ASB13: variants seen among roughly 807,000 people sequenced by gnomAD.
The protein encoded by ASB13 is ankyrin repeat and SOCS box protein 13.
In ASB13, 33 loss-of-function variants were observed where a neutral mutation model predicts 28.8. That is an observed-to-expected ratio of 1.15 (90% CI 0.87 to 1.53). ASB13 has a LOEUF of 1.53. Among genes scored for constraint, ASB13 ranks in the 40% most tolerant of loss-of-function variants. The probability of loss-of-function intolerance (pLI) is 0.00; values close to 1 mark genes in which losing one functional copy is unlikely to be tolerated. For missense variants in ASB13, 414 were observed against 390.1 expected (o/e 1.06, Z -0.52); for synonymous variants, 182 against 172.9 (o/e 1.05, Z -0.41).
chr10:5,640,940 AC>A, intron 5 of ASB13, 110 bp from the exon 6 acceptor site: 1 of 1,413,846 alleles, frequency 7.1e-7, no homozygotes, highest in African/African-American at 1.4e-5. Context: ...TTCCCCTGGA[AC>A]CGGGATGTGT....
In ASB13 at chr10:5,642,774, G is replaced by A. The variant is rs1001873667; in HGVS notation, c.518-813C>T. On this transcript the variant is annotated intron_variant, in intron 4 of 5. Transcript: ENST00000357700. The surrounding 1 kb of genome is among the most constrained non-coding windows in gnomAD (Gnocchi z 4.1). ...CGATTCTCCTGCCTCAGCCTCCCGA[G>A]TTGCTGGGATGACAGGTGTGCCACC... 2.0e-5 allele frequency among the ~76,000 whole-genome samples: 3 copies of A among 152,026 alleles called. No individual in the cohort carries two copies. The highest frequency in any genetic ancestry group is 4.4e-5 in the Non-Finnish European group (3 of 67,976).
rs1209011126 is a variant in ASB13, at chr10:5,659,723, G to C, written c.44-6673C>G. On this transcript the variant is annotated intron_variant, in intron 1 of 5. Coordinates refer to ENST00000357700, the MANE Select transcript of ASB13 (RefSeq NM_024701.4). This position sits in a 1 kb window ranked among gnomAD's most constrained non-coding sequence, Gnocchi z 5.8. ...GCTGATCAGCATTCTCCCTTCCCTGGGCCTTCCCTAAGGCCATCCCCTGTC... is the reference window on the plus strand; with the variant it reads ...GCTGATCAGCATTCTCCCTTCCCTGCGCCTTCCCTAAGGCCATCCCCTGTC... Among the ~76,000 whole-genome samples, 5 of 151,546 alleles carry C rather than the reference G, an allele frequency of 3.3e-5. No homozygotes were observed. The highest frequency in any genetic ancestry group is 3.3e-4 in the Admixed American group (5 of 15,218).
rs1442891593 is a variant in ASB13, at chr10:5,659,590, G to T, written c.44-6540C>A. Among the ~76,000 whole-genome samples the T allele has an allele frequency of 6.6e-6, 1 of 152,066 alleles. No homozygotes were observed. Among genetic ancestry groups the T allele is most frequent in the Non-Finnish European group, 1.5e-5 (1 of 68,012 alleles). The stretch of plus-strand genomic sequence containing the variant: ...TCTTCTCAGCCCCATTCCCCACCTT[G>T]CTTCCGGCTGAAATTCCTCGACTGA... On this transcript the variant is annotated intron_variant, in intron 1 of 5. Coordinates refer to ENST00000357700, the MANE Select transcript of ASB13 (RefSeq NM_024701.4). This position sits in a 1 kb window ranked among gnomAD's most constrained non-coding sequence, Gnocchi z 5.8.
In ASB13 at chr10:5,661,329, G is replaced by A. The variant is rs947819020; in HGVS notation, c.43+5180C>T. 2.0e-5 allele frequency among the ~76,000 whole-genome samples: 3 copies of A among 152,262 alleles called. No homozygotes were observed. The highest frequency in any genetic ancestry group is 1.9e-4 in the East Asian group (1 of 5,174). On this transcript the variant is annotated intron_variant, in intron 1 of 5. Coordinates refer to ENST00000357700, the MANE Select transcript of ASB13 (RefSeq NM_024701.4). The surrounding 1 kb of genome is among the most constrained non-coding windows in gnomAD (Gnocchi z 4.9). ...AGCAGAGCCACTTGCCCCCAACCCC[G>A]CCCCGCCGAGCCTGGGGCCTCTCCA...
rs570881690 is a variant in ASB13, at chr10:5,657,369, C to T, written c.44-4319G>A. ...ATAACCAGGTTTAAAAATGGGCAAA[C>T]GAGTTGAACAGACATTTCTCTAAAC... On this transcript the variant is annotated intron_variant, in intron 1 of 5. Coordinates refer to ENST00000357700, the MANE Select transcript of ASB13 (RefSeq NM_024701.4). 1.3e-4 allele frequency among the ~76,000 whole-genome samples: 19 copies of T among 151,466 alleles called. No individual in the cohort carries two copies. The South Asian group carries it at 1.9e-3, about 15-fold the overall frequency.
chr10:5,640,559 G>T lies in ASB13; in HGVS notation c.*144C>A. 1 of 1,059,820 alleles carries T rather than the reference G, an allele frequency of 9.4e-7. No individual in the cohort carries two copies. The allele number at this position is 1,059,820 out of a possible 1,614,324, so 65.7% of individuals were successfully genotyped here. On this transcript the variant is annotated 3_prime_UTR_variant, in exon 6 of 6. Transcript: ENST00000357700. The stretch of plus-strand genomic sequence containing the variant: ...ACATTATCCAGGATCCAGGAGAGAA[G>T]CCTAAACAGGATCGCAGGAAGGGAC...
At position 5,649,349 on chromosome 10, in the gene ASB13, CTTGCTGTGAGAACA is replaced by C. The variant is rs1834948792; in HGVS notation, c.383-259_383-246del. ...TGGGAGAAACGGGCCTGGCCGGCTT[CTTGCTGTGAGAACA>C]GAAGACATGGGGCACCACCTAGAAT... On this transcript the variant is annotated intron_variant, in intron 3 of 5. Transcript: ENST00000357700. This position sits in a 1 kb window ranked among gnomAD's most constrained non-coding sequence, Gnocchi z 6.4. Among the ~76,000 whole-genome samples, 1 of 152,154 alleles carries C rather than the reference CTTGCTGTGAGAACA, an allele frequency of 6.6e-6. No individual in the cohort carries two copies. The highest frequency in any genetic ancestry group is 1.5e-5 in the Non-Finnish European group (1 of 68,030).
In ASB13 at chr10:5,666,588, C is replaced by G; in HGVS notation, c.-37G>C. 1.8e-6 allele frequency: 2 copies of G among 1,112,558 alleles called. No homozygotes were observed. Among genetic ancestry groups the G allele is most frequent in the Non-Finnish European group, 2.2e-6 (2 of 912,154 alleles). The allele number at this position is 1,112,558 out of a possible 1,614,324, so 68.9% of individuals were successfully genotyped here. ...GCGGCCGCGCGGCGACTCTGGGCGC[C>G]GGGACCTGGGCCGGGCCGCGCGGGG... On this transcript the variant is annotated 5_prime_UTR_variant, in exon 1 of 6. Transcript: ENST00000357700.
Position 5,642,461 on chromosome 10 carries a change from C to A in ASB13, c.518-500G>T. 8.6e-7 allele frequency: 1 copy of A among 1,161,192 alleles called. No homozygotes were observed. The highest frequency in any genetic ancestry group is 1.1e-6 in the Non-Finnish European group (1 of 924,942). 71.9% of individuals were successfully genotyped at this position (1,161,192 alleles called of 1,614,324 possible). ...TGCATATTCTTTTACAAAAGGAAAA[C>A]AGATAACGTACCCAAAACAGTAGGC... On this transcript the variant is annotated intron_variant, in intron 4 of 5. Transcript: ENST00000357700. This position sits in a 1 kb window ranked among gnomAD's most constrained non-coding sequence, Gnocchi z 4.1.
intron 1 of ASB13, among the ~76,000 whole-genome samples, chr10:5,654,174 A>G (rs925485062): frequency 7.2e-6 from 1 of 138,282 alleles, no homozygotes; most frequent in Non-Finnish European, 1.5e-5. Flanking sequence ...TCAGTCAATC[A>G]TAGGGATCCT....
In ASB13 at chr10:5,652,402, C is replaced by T. The variant is rs1305735509; in HGVS notation, c.231+461G>A. 1.3e-5 allele frequency among the ~76,000 whole-genome samples: 2 copies of T among 152,202 alleles called. No individual in the cohort carries two copies. The highest frequency in any genetic ancestry group is 3.9e-4 in the East Asian group (2 of 5,194). On this transcript the variant is annotated intron_variant, in intron 2 of 5. Transcript: ENST00000357700. The surrounding 1 kb of genome is among the most constrained non-coding windows in gnomAD (Gnocchi z 5.0). ...CAGGAATTCTGCTGACCAGAAACCC[C>T]CGGTGGCTTAATACTAGCCAGGGTG...
chr10:5,662,094 G>A lies in ASB13; in HGVS notation c.43+4415C>T, dbSNP rs558813406. 3.3e-4 allele frequency among the ~76,000 whole-genome samples: 51 copies of A among 152,260 alleles called. 1 individual carries two copies. The highest frequency in any genetic ancestry group is 1.2e-3 in the African/African-American group (49 of 41,552). On this transcript the variant is annotated intron_variant, in intron 1 of 5. Transcript: ENST00000357700. ...CCCCCAGGGAGGGTTTTCTGATGCT[G>A]CTCTCAATGGGCTCATCCTCAGCTC...
In ASB13 at chr10:5,657,665, T is replaced by C. The variant is rs1835093620; in HGVS notation, c.44-4615A>G. ...TCATATGATCCAGCAACTCCACTGC[T>C]GGGCATATCTCCAGAAGAATTGAAA... On this transcript the variant is annotated intron_variant, in intron 1 of 5. Transcript: ENST00000357700. Among the ~76,000 whole-genome samples, 5 of 152,238 alleles carry C rather than the reference T, an allele frequency of 3.3e-5. No homozygotes were observed. In the South Asian group the frequency reaches 1.0e-3, roughly 31 times the overall value.
Position 5,651,351 on chromosome 10 carries a change from T to TG in ASB13, c.243dup (p.Asn82GlnfsTer57). 6.2e-7 allele frequency: 1 copy of TG among 1,607,782 alleles called. No homozygotes were observed. Among genetic ancestry groups the TG allele is most frequent in the South Asian group, 1.1e-5 (1 of 90,482 alleles). On this transcript the variant is annotated frameshift_variant, in exon 3 of 6. Transcript: ENST00000357700. LOFTEE classifies it high-confidence loss of function. The surrounding 1 kb of genome is among the most constrained non-coding windows in gnomAD (Gnocchi z 5.1). ...CAGAGCGGGGTGCTGCCGTCGATGT[T>TG]GCGAGCATCCACCTCACGGGAGGAA...
rs551850854 is a variant in ASB13, at chr10:5,642,299, C to G, written c.518-338G>C. Among the ~76,000 whole-genome samples, 1 of 152,152 alleles carries G rather than the reference C, an allele frequency of 6.6e-6. No homozygotes were observed. The highest frequency in any genetic ancestry group is 1.5e-5 in the Non-Finnish European group (1 of 68,030). On this transcript the variant is annotated intron_variant, in intron 4 of 5. Transcript: ENST00000357700. The surrounding 1 kb of genome is among the most constrained non-coding windows in gnomAD (Gnocchi z 4.1). ...CTGCCTTCAGGGGTCCTGAGATTTCCGGAAGCTCAAACCAGAGCCACTCAA... is the reference window on the plus strand; with the variant it reads ...CTGCCTTCAGGGGTCCTGAGATTTCGGGAAGCTCAAACCAGAGCCACTCAA...
rs1834946864 is a variant in ASB13, at chr10:5,649,231, G to A, written c.383-127C>T. The A allele has an allele frequency of 5.3e-6, 7 of 1,313,436 alleles. No individual in the cohort carries two copies. Among genetic ancestry groups the A allele is most frequent in the South Asian group, 4.0e-5 (3 of 75,204 alleles). The allele number at this position is 1,313,436 out of a possible 1,614,324, so 81.4% of individuals were successfully genotyped here. On this transcript the variant is annotated intron_variant, in intron 3 of 5. Transcript: ENST00000357700. This position sits in a 1 kb window ranked among gnomAD's most constrained non-coding sequence, Gnocchi z 6.4. ...GGGCAGGGAAGCCAGGCAGGCCTGC[G>A]TCCCAACCTAGGGAGGAGTTCATGA... is the stretch of plus-strand genomic sequence containing the variant.
At position 5,664,580 on chromosome 10, in the gene ASB13, G is replaced by A. The variant is rs897616341; in HGVS notation, c.43+1929C>T. On this transcript the variant is annotated intron_variant, in intron 1 of 5. Coordinates refer to ENST00000357700, the MANE Select transcript of ASB13 (RefSeq NM_024701.4). The surrounding 1 kb of genome is among the most constrained non-coding windows in gnomAD (Gnocchi z 4.2). ...ACAATTCTACTGGAGGACCCTGGGG[G>A]GAACGTACGGGGGAGTGGGGGAGCA... 2.6e-5 allele frequency among the ~76,000 whole-genome samples: 4 copies of A among 152,126 alleles called. No individual in the cohort carries two copies. The highest frequency in any genetic ancestry group is 4.4e-5 in the Non-Finnish European group (3 of 68,018).
At position 5,644,492 on chromosome 10, in the gene ASB13, A is replaced by G. The variant is rs549011472; in HGVS notation, c.518-2531T>C. 1.8e-4 allele frequency among the ~76,000 whole-genome samples: 26 copies of G among 148,160 alleles called. No homozygotes were observed. The South Asian group carries it at 5.6e-3, about 32-fold the overall frequency. ...GCCTGGATGACAGAGTGAGGCCCAT[A>G]GTGAGAAAGAGAACATAAACAGGTA... is the stretch of plus-strand genomic sequence containing the variant. On this transcript the variant is annotated intron_variant, in intron 4 of 5. Coordinates refer to ENST00000357700, the MANE Select transcript of ASB13 (RefSeq NM_024701.4). This position sits in a 1 kb window ranked among gnomAD's most constrained non-coding sequence, Gnocchi z 5.1.
At chr10:5,643,741 A>G (rs1407731422) in intron 4 of ASB13, among the ~76,000 whole-genome samples, 2 of 152,270 alleles carry the variant, frequency 1.3e-5, no homozygotes, top group African/African-American at 4.8e-5. Flanking sequence ...CACAGAATCT[A>G]AAGTTCAAGT....
Sources: allele counts gnomAD v4.1 joint callset (sites outside exome capture counted in the v4.1 genomes callset), GRCh38; gene constraint gnomAD v4.1.1; non-coding constraint Gnocchi (gnomAD v3.1); transcripts MANE v1.5; gene names NCBI Gene and HGNC (gene_info 2026-07-23, HGNC 2026-07-21).